The following SUMF1 variants were observed in gnomAD, a reference collection of about 807,000 sequenced individuals.
SUMF1 encodes sulfatase modifying factor 1.
In SUMF1, 48 loss-of-function variants were observed where a neutral mutation model predicts 47.6. The ratio of observed to expected loss-of-function variants is 1.01; its 90% CI spans 0.80 to 1.28. The LOEUF is 1.28. Among genes scored for constraint, SUMF1 ranks in the 50% most tolerant of loss-of-function variants. The pLI is 0.00. For synonymous variants in SUMF1, 230 were observed against 192.1 expected (o/e 1.20, Z -1.63); for missense variants, 571 against 485.4 (o/e 1.18, Z -1.66).
chr3:4,175,805 A>T (rs1694947098), intron 8 of SUMF1, among the ~76,000 whole-genome samples: 2 of 152,106 alleles, frequency 1.3e-5, no homozygotes, highest in South Asian at 4.2e-4. Context: ...ACATTAGACA[A>T]ATGGCTAACT....
chr3:4,225,588 A>T (rs940204780), intron 8 of SUMF1, among the ~76,000 whole-genome samples: 1 of 152,154 alleles, frequency 6.6e-6, no homozygotes, highest in Non-Finnish European at 1.5e-5. Flanking sequence ...GACAAACAGC[A>T]CTGGTGAATA....
At chr3:4,204,808 A>G (rs544582690) in intron 8 of SUMF1, among the ~76,000 whole-genome samples, 9 of 142,718 alleles carry the variant, frequency 6.3e-5, no homozygotes, top group Admixed American at 2.9e-4. Context: ...TGACTTTTTC[A>G]GCTCCAGGAT....
intron 8 of SUMF1, among the ~76,000 whole-genome samples, chr3:4,145,150 G>A (rs535501022): frequency 1.5e-5 from 2 of 136,878 alleles, no homozygotes; most frequent in African/African-American, 2.7e-5. Flanking sequence ...CGGCCATCGC[G>A]CCACTGCACT....
intron 3 of SUMF1, among the ~76,000 whole-genome samples, chr3:4,430,528 T>G (rs548956603): frequency 6.6e-6 from 1 of 152,270 alleles, no homozygotes; most frequent in African/African-American, 2.4e-5. Context: ...GCACTCAACA[T>G]GTAGTTAGGT....
chr3:4,221,529 C>T (rs1696064617), intron 8 of SUMF1, among the ~76,000 whole-genome samples: 1 of 151,900 alleles, frequency 6.6e-6, no homozygotes. Flanking sequence ...GTTCTGAAAG[C>T]CCTGTCCCAT....
Position 4,234,095 on chromosome 3 carries a change from A to G in SUMF1, c.1014+142235T>C, listed in dbSNP as rs1481895875. 3.3e-5 allele frequency among the ~76,000 whole-genome samples: 5 copies of G among 152,230 alleles called. No homozygotes were observed. In the East Asian group the frequency reaches 9.7e-4, roughly 29 times the overall value. The stretch of plus-strand genomic sequence containing the variant: ...ATTTTTCAAAAGATGCACAATGCTA[A>G]CAATTGTACGGGTGTTTAATTTACC... On this transcript the variant is annotated intron_variant and NMD_transcript_variant, in intron 8 of 12. Transcript: ENST00000448413.
intron 8 of SUMF1, among the ~76,000 whole-genome samples, chr3:4,252,697 C>T (rs1328851947): frequency 6.6e-6 from 1 of 152,140 alleles, no homozygotes; most frequent in Non-Finnish European, 1.5e-5. Context: ...ATGCACCGGG[C>T]CAACCCCTTT....
At chr3:4,196,051 G>T (rs192676324) in intron 8 of SUMF1, among the ~76,000 whole-genome samples, 51 of 152,136 alleles carry the variant, frequency 3.4e-4, no homozygotes, top group Non-Finnish European at 4.4e-5. Context: ...ATGATTAAAT[G>T]GTATAGCATT....
intron 8 of SUMF1, among the ~76,000 whole-genome samples, chr3:4,150,847 G>A (rs538669601): frequency 2.2e-4 from 33 of 151,420 alleles, no homozygotes; most frequent in Admixed American, 5.9e-4. Flanking sequence ...GGAGCTCAGG[G>A]AGGTAGCAAC....
intron 8 of SUMF1, among the ~76,000 whole-genome samples, chr3:4,309,012 G>A (rs559489329): frequency 5.6e-4 from 85 of 152,298 alleles, no homozygotes; most frequent in Admixed American, 9.1e-4. Context: ...CATGTAAAAC[G>A]TACATTGGTT....
chr3:4,077,212 T>C (rs1267669252), intron 8 of SUMF1, among the ~76,000 whole-genome samples: 1 of 151,904 alleles, frequency 6.6e-6, no homozygotes, highest in African/African-American at 2.4e-5. Flanking sequence ...TTGGTGGGAG[T>C]GTAAATTAGT....
Position 4,251,529 on chromosome 3 carries a change from T to C in SUMF1, c.1014+124801A>G, listed in dbSNP as rs558385407. ...GTAAAATGCACATCATCACATGCTT[T>C]ACAGAGAAATCTTTTCTGAAAGAGA... On this transcript the variant is annotated intron_variant and NMD_transcript_variant, in intron 8 of 12. Coordinates refer to the SUMF1 transcript ENST00000448413. Among the ~76,000 whole-genome samples the C allele has an allele frequency of 6.6e-5, 10 of 152,332 alleles. No individual in the cohort carries two copies. In the South Asian group the frequency reaches 2.1e-3, roughly 32 times the overall value.
At chr3:4,290,181 G>C (rs1404016269) in intron 8 of SUMF1, among the ~76,000 whole-genome samples, 1 of 152,142 alleles carries the variant, frequency 6.6e-6, no homozygotes, top group Non-Finnish European at 1.5e-5. Flanking sequence ...AGCATCTTTA[G>C]ACAGTATTTT....
chr3:4,120,194 T>C (rs1318378866), intron 8 of SUMF1, among the ~76,000 whole-genome samples: 1 of 152,054 alleles, frequency 6.6e-6, no homozygotes, highest in Admixed American at 6.5e-5. Context: ...TCTCTGTCTT[T>C]ACCACTGAAC....
chr3:4,108,237 T>G (rs977948000), intron 8 of SUMF1, among the ~76,000 whole-genome samples: 1 of 152,182 alleles, frequency 6.6e-6, no homozygotes, highest in East Asian at 1.9e-4. Flanking sequence ...TGAGCAGTTT[T>G]GAGTGAGTTT....
At chr3:4,305,050 G>C (rs1473848590) in intron 8 of SUMF1, among the ~76,000 whole-genome samples, 1 of 152,138 alleles carries the variant, frequency 6.6e-6, no homozygotes, top group Non-Finnish European at 1.5e-5. Context: ...GGTTGAGTTT[G>C]TCTGAAGACC....
At chr3:4,265,452 T>C (rs192632834) in intron 8 of SUMF1, among the ~76,000 whole-genome samples, 1 of 152,308 alleles carries the variant, frequency 6.6e-6, no homozygotes, top group East Asian at 1.9e-4. Flanking sequence ...TAACACTTTA[T>C]AGCTTACAAA....
chr3:4,326,045 C>T (rs1337478333), intron 8 of SUMF1, among the ~76,000 whole-genome samples: 1 of 152,174 alleles, frequency 6.6e-6, no homozygotes, highest in African/African-American at 2.4e-5. Context: ...TGGTCTTGAA[C>T]TCCTGACCTC....
intron 9 of SUMF1, among the ~76,000 whole-genome samples, chr3:4,062,698 C>T (rs1695296132): frequency 6.6e-6 from 1 of 151,978 alleles, no homozygotes; most frequent in Admixed American, 6.6e-5. Context: ...CCATATTAGC[C>T]ATGTAGGTCA....
Sources: allele counts gnomAD v4.1 joint callset (sites outside exome capture counted in the v4.1 genomes callset), GRCh38; gene constraint gnomAD v4.1.1; transcripts MANE v1.5; gene names NCBI Gene and HGNC (gene_info 2026-07-23, HGNC 2026-07-21).